The following ACOXL variants were observed in gnomAD, a reference collection of about 807,000 sequenced individuals.
The protein encoded by ACOXL is acyl-CoA oxidase like, also known as acyl-coenzyme A oxidase-like protein.
ACOXL carries 70 observed loss-of-function variants against 71.9 expected under a neutral mutation model. The ratio of observed to expected loss-of-function variants is 0.97; its 90% CI spans 0.80 to 1.19. ACOXL has a LOEUF of 1.19. Ranked by LOEUF, ACOXL falls within the 50% of genes most tolerant of loss-of-function variation. ACOXL has a pLI of 0.00. For missense variants in ACOXL, 703 were observed against 736.3 expected, an observed-to-expected ratio of 0.95 and a Z score of 0.52; for synonymous variants, 253 against 281.6, an observed-to-expected ratio of 0.90 and a Z score of 1.02.
intron 11 of ACOXL, among the ~76,000 whole-genome samples, chr2:110,932,068 A>G (rs1420393931): frequency 2.6e-5 from 4 of 152,282 alleles, no homozygotes; most frequent in African/African-American, 9.6e-5. Flanking sequence ...CGGTGAGTAC[A>G]TTACGTAGAA....
chr2:111,091,310 G>A (rs182324526), intron 16 of ACOXL, among the ~76,000 whole-genome samples: 5 of 152,318 alleles, frequency 3.3e-5, no homozygotes, highest in African/African-American at 1.2e-4. Context: ...TAATGTGAAT[G>A]TATCATCTGT....
intron 9 of ACOXL, among the ~76,000 whole-genome samples, chr2:110,808,596 C>T (rs1339257731): frequency 6.6e-6 from 1 of 152,192 alleles, no homozygotes; most frequent in Non-Finnish European, 1.5e-5. Flanking sequence ...GCCTCTGTCC[C>T]TCTGGCCTCA....
intron 17 of ACOXL, chr2:111,093,671 C>T: frequency 1.3e-6 from 1 of 768,994 alleles, no homozygotes; most frequent in Non-Finnish European, 2.0e-6. Flanking sequence ...TCGACACCAT[C>T]TTGGGCAACA....
chr2:110,853,729 A>C (rs533122085), intron 10 of ACOXL, among the ~76,000 whole-genome samples: 1 of 152,154 alleles, frequency 6.6e-6, no homozygotes, highest in Non-Finnish European at 1.5e-5. Flanking sequence ...AGCCAGCCCG[A>C]GGCCCTTTCT....
At chr2:110,897,124 A>C (rs939971142) in intron 10 of ACOXL, among the ~76,000 whole-genome samples, 2 of 152,202 alleles carry the variant, frequency 1.3e-5, no homozygotes, top group African/African-American at 2.4e-5. Flanking sequence ...AATTCTAAAT[A>C]ACTAATAGTA....
At chr2:110,801,753 A>G (rs762155390) in intron 8 of ACOXL, 29 bp downstream of exon 8, 14 of 1,594,098 alleles carry the variant, frequency 8.8e-6, no homozygotes, top group Middle Eastern at 1.7e-4. Context: ...ACTCAGGTCA[A>G]TGGTGCAGAT....
chr2:111,031,397 A>G (rs967511922), intron 14 of ACOXL, among the ~76,000 whole-genome samples: 3 of 152,218 alleles, frequency 2.0e-5, no homozygotes, highest in African/African-American at 7.2e-5. Context: ...TGTGACCTCC[A>G]TTAGTATAAA....
chr2:110,829,380 CT>C (rs1463540756), intron 9 of ACOXL, among the ~76,000 whole-genome samples: 1 of 152,170 alleles, frequency 6.6e-6, no homozygotes, highest in East Asian at 1.9e-4. Flanking sequence ...GCATGCTGAT[CT>C]TCCCTTAGCT....
chr2:110,936,097 C>T (rs1180148767), intron 12 of ACOXL, among the ~76,000 whole-genome samples: 2 of 152,100 alleles, frequency 1.3e-5, no homozygotes, highest in African/African-American at 4.8e-5. Context: ...AGGCCATGGT[C>T]TGGTACTGGT....
chr2:110,788,056 T>C (rs945949066), intron 3 of ACOXL, among the ~76,000 whole-genome samples: 1 of 152,162 alleles, frequency 6.6e-6, no homozygotes, highest in Non-Finnish European at 1.5e-5. Context: ...TAAATAAATA[T>C]ATAAAATCAA....
intron 10 of ACOXL, among the ~76,000 whole-genome samples, chr2:110,893,213 T>C (rs150121591): frequency 1.0e-3 from 159 of 152,268 alleles, no homozygotes; most frequent in Non-Finnish European, 1.9e-3. Flanking sequence ...CAAACAAATA[T>C]GACTACCAAT....
chr2:111,031,627 G>A lies in ACOXL; in HGVS notation c.1282G>A (p.Val428Ile). 1.2e-6 allele frequency: 2 copies of A among 1,614,068 alleles called. No homozygotes were observed. Among genetic ancestry groups the A allele is most frequent in the Non-Finnish European group, 1.7e-6 (2 of 1,179,950 alleles). Residue 428 changes from valine (V) to isoleucine (I), a missense_variant and splice_region_variant, in exon 15 of 18, where the codon GTA (valine) becomes ATA (isoleucine). Coordinates refer to ENST00000439055, the MANE Select transcript of ACOXL (RefSeq NM_001142807.4). ...RGLVARIYYK[V>I]KTKKEDFFHA... ...GATTTTTCTTCTGTCGATTGGACAG[G>A]TAAAGACCAAGAAGGAGGATTTTTT...
intron 16 of ACOXL, among the ~76,000 whole-genome samples, chr2:111,067,274 A>G (rs1488475269): frequency 1.3e-5 from 2 of 152,204 alleles, no homozygotes; most frequent in Non-Finnish European, 2.9e-5. Context: ...AAATTAAAAT[A>G]TAAAATTCTA....
chr2:110,907,559 C>T (rs1349508344), intron 10 of ACOXL, among the ~76,000 whole-genome samples: 2 of 150,408 alleles, frequency 1.3e-5, no homozygotes, highest in East Asian at 2.0e-4. Context: ...GATGGAGGGG[C>T]AGGCATGGAT....
At chr2:110,982,093 C>T (rs1012087411) in intron 12 of ACOXL, among the ~76,000 whole-genome samples, 3 of 152,186 alleles carry the variant, frequency 2.0e-5, no homozygotes, top group African/African-American at 7.2e-5. Flanking sequence ...TCAGATCCAT[C>T]CATCCTTCCT....
chr2:111,043,537 GCGCAGTGTCCCACCT>G (rs746334106), intron 15 of ACOXL, among the ~76,000 whole-genome samples: 11 of 152,170 alleles, frequency 7.2e-5, no homozygotes, highest in Non-Finnish European at 1.5e-4. Context: ...GGGACAGTGG[GCGCAGTGTCCCACCT>G]CGTGGTGCGG....
intron 12 of ACOXL, among the ~76,000 whole-genome samples, chr2:110,947,919 G>A (rs2061168427): frequency 6.6e-6 from 1 of 152,232 alleles, no homozygotes; most frequent in Non-Finnish European, 1.5e-5. Flanking sequence ...GCCAGGGCCG[G>A]TGCCCTCCAT....
intron 3 of ACOXL, among the ~76,000 whole-genome samples, chr2:110,787,388 GC>G (rs1684097833): frequency 6.6e-6 from 1 of 151,870 alleles, no homozygotes; most frequent in South Asian, 2.1e-4. Context: ...CAAAAAATTA[GC>G]CGGGCGTGGT....
chr2:111,077,955 T>C (rs1244639993), intron 16 of ACOXL, among the ~76,000 whole-genome samples: 1 of 152,208 alleles, frequency 6.6e-6, no homozygotes, highest in Non-Finnish European at 1.5e-5. Context: ...TTGTGGGGTT[T>C]TGCCAGATTT....
Sources: gnomAD v4.1 joint callset for allele counts (sites outside exome capture counted in the v4.1 genomes callset) on GRCh38, gnomAD v4.1.1 for gene constraint, MANE v1.5 for transcripts, NCBI Gene and HGNC (gene_info 2026-07-23, HGNC 2026-07-21) for gene names.